The following FHIT variants were observed in gnomAD, a reference collection of about 807,000 sequenced individuals.
FHIT encodes fragile histidine triad diadenosine triphosphatase.
In FHIT, 19 loss-of-function variants were observed where a neutral mutation model predicts 17.9. The observed-to-expected ratio is 1.06, with a 90% CI of 0.74 to 1.56. FHIT has a LOEUF of 1.56. Among genes scored for constraint, FHIT ranks in the 40% most tolerant of loss-of-function variants. FHIT has a pLI of 0.00. For synonymous variants in FHIT, 81 were observed against 69.7 expected, an observed-to-expected ratio of 1.16 and a Z score of -0.81; for missense variants, 248 against 189.2, an observed-to-expected ratio of 1.31 and a Z score of -1.82.
chr3:59,790,829 G>C (rs189446296), intron 8 of FHIT, among the ~76,000 whole-genome samples: 1 of 152,190 alleles, frequency 6.6e-6, no homozygotes, highest in African/African-American at 2.4e-5. Flanking sequence ...CATAGTCCCT[G>C]CTATATGGTT....
At chr3:60,403,439 C>A (rs1038620660) in intron 5 of FHIT, among the ~76,000 whole-genome samples, 24 of 152,110 alleles carry the variant, frequency 1.6e-4, no homozygotes, top group African/African-American at 5.8e-4. Flanking sequence ...AAATGAAGGC[C>A]TCAGAAACAA....
chr3:60,226,522 G>A (rs1704213688), intron 5 of FHIT, among the ~76,000 whole-genome samples: 1 of 144,680 alleles, frequency 6.9e-6, no homozygotes, highest in Non-Finnish European at 1.5e-5. Flanking sequence ...ATACTAACAT[G>A]TTCTGTAATC....
chr3:59,784,715 T>A (rs759927801), intron 8 of FHIT, among the ~76,000 whole-genome samples: 2 of 152,226 alleles, frequency 1.3e-5, no homozygotes, highest in Non-Finnish European at 2.9e-5. Flanking sequence ...TCCTTTGTCC[T>A]TCCTGCACCA....
chr3:60,366,555 C>G (rs1270303222), intron 5 of FHIT, among the ~76,000 whole-genome samples: 2 of 152,162 alleles, frequency 1.3e-5, no homozygotes, highest in African/African-American at 4.8e-5. Context: ...GTGCTCTACC[C>G]TCATGAATGG....
chr3:60,744,257 A>C lies in FHIT; in HGVS notation c.-18+77662T>G, dbSNP rs1429486787. 3.2e-4 allele frequency among the ~76,000 whole-genome samples: 24 copies of C among 74,770 alleles called. No individual in the cohort carries two copies. The South Asian group carries it at 6.1e-3, about 19-fold the overall frequency. 49.1% of individuals were successfully genotyped at this position (74,770 alleles called of 152,430 possible). A position where few individuals can be genotyped will look rare whatever the true frequency, so the allele number is the denominator to read the frequency against. On this transcript the variant is annotated intron_variant, in intron 4 of 9. Coordinates refer to ENST00000492590, the MANE Select transcript of FHIT (RefSeq NM_002012.4). ...AATTGGAAGTAATGTAAAAAAAAAA[A>C]CAAAACAAAACAAAAAAAAAAAAAA...
At chr3:60,258,085 CACACACACACACACA>C (rs1453117487) in intron 5 of FHIT, among the ~76,000 whole-genome samples, 8 of 148,810 alleles carry the variant, frequency 5.4e-5, no homozygotes, top group Non-Finnish European at 3.0e-5. Flanking sequence ...CACACACACA[CACACACACACACACA>C]CCTCTGCAGA....
intron 5 of FHIT, among the ~76,000 whole-genome samples, chr3:60,266,236 A>T (rs1706571382): frequency 6.6e-6 from 1 of 152,114 alleles, no homozygotes; most frequent in Non-Finnish European, 1.5e-5. Flanking sequence ...TAAAGTACTG[A>T]GACACATTAC....
chr3:60,165,787 C>G (rs1417168429), intron 5 of FHIT, among the ~76,000 whole-genome samples: 1 of 152,016 alleles, frequency 6.6e-6, no homozygotes, highest in Non-Finnish European at 1.5e-5. Context: ...TAGAAGCAAA[C>G]AATACAGAAG....
At chr3:60,589,781 T>A (rs1195052130) in intron 4 of FHIT, among the ~76,000 whole-genome samples, 1 of 152,118 alleles carries the variant, frequency 6.6e-6, no homozygotes, top group Non-Finnish European at 1.5e-5. Context: ...TATTTTTGAT[T>A]GTGATTTAAT....
chr3:60,181,542 A>ATGGCC, intron 5 of FHIT, among the ~76,000 whole-genome samples: 1 of 151,370 alleles, frequency 6.6e-6, no homozygotes, highest in Admixed American at 6.6e-5. Context: ...GCTAGGATTC[A>ATGGCC]TGGCCTGGTC....
At chr3:60,928,705 G>A (rs1183067570) in intron 3 of FHIT, among the ~76,000 whole-genome samples, 1 of 151,956 alleles carries the variant, frequency 6.6e-6, no homozygotes, top group Non-Finnish European at 1.5e-5. Flanking sequence ...AACAGGCTCT[G>A]AAATTGAGGC....
intron 8 of FHIT, among the ~76,000 whole-genome samples, chr3:59,754,394 G>C (rs1330693970): frequency 1.3e-5 from 2 of 152,096 alleles, no homozygotes; most frequent in Admixed American, 1.3e-4. Context: ...TTCTTGCAGA[G>C]GCAAACATGC....
rs138296335 is a variant in FHIT, at chr3:60,506,468, G to A, written c.103+30392C>T. 1.9e-3 allele frequency among the ~76,000 whole-genome samples: 295 copies of A among 152,232 alleles called. 1 individual carries two copies. The highest frequency in any genetic ancestry group is 6.8e-3 in the Middle Eastern group (2 of 294). On this transcript the variant is annotated intron_variant, in intron 5 of 9. Transcript: ENST00000492590. ...AGATAATCATTTGTCTGAAAATCTC[G>A]GACAAGTGTGTTTACTATCTATAGT...
intron 2 of FHIT, among the ~76,000 whole-genome samples, chr3:61,080,777 T>C (rs748305698): frequency 6.6e-6 from 1 of 151,856 alleles, no homozygotes; most frequent in East Asian, 1.9e-4. Context: ...TTGAAAGAGA[T>C]GGATTAGTGG....
intron 3 of FHIT, among the ~76,000 whole-genome samples, chr3:60,919,046 C>T (rs1707148519): frequency 6.6e-6 from 1 of 152,066 alleles, no homozygotes; most frequent in African/African-American, 2.4e-5. Context: ...TGGGTCACTA[C>T]CTACCCAGAC....
chr3:59,929,664 C>T (rs911594926), intron 7 of FHIT, among the ~76,000 whole-genome samples: 12 of 152,172 alleles, frequency 7.9e-5, no homozygotes, highest in African/African-American at 2.9e-4. Context: ...CAACAGCTCT[C>T]AACTTGGAAT....
At chr3:60,815,284 T>C (rs574109378) in intron 4 of FHIT, among the ~76,000 whole-genome samples, 1 of 152,266 alleles carries the variant, frequency 6.6e-6, no homozygotes, top group South Asian at 2.1e-4. Context: ...GCAATTGCTT[T>C]TGAGGACTTA....
chr3:60,115,429 T>C (rs529127630), intron 5 of FHIT, among the ~76,000 whole-genome samples: 1 of 152,286 alleles, frequency 6.6e-6, no homozygotes, highest in African/African-American at 2.4e-5. Flanking sequence ...CTATATTCAA[T>C]TAACTACGAT....
chr3:61,068,695 A>G (rs2034698936), intron 2 of FHIT, among the ~76,000 whole-genome samples: 1 of 152,140 alleles, frequency 6.6e-6, no homozygotes, highest in African/African-American at 2.4e-5. Flanking sequence ...CACACCAGTC[A>G]GTTCACTCTG....
Sources: allele counts gnomAD v4.1 joint callset (sites outside exome capture counted in the v4.1 genomes callset), GRCh38; gene constraint gnomAD v4.1.1; transcripts MANE v1.5; gene names NCBI Gene and HGNC (gene_info 2026-07-23, HGNC 2026-07-21).